The following FSTL5 variants were observed in gnomAD, a reference collection of about 807,000 sequenced individuals.
FSTL5 encodes the protein follistatin-related protein 5.
Under a neutral mutation model 89.1 loss-of-function variants are expected in FSTL5, and 62 were observed. The observed-to-expected ratio is 0.70, with a 90% CI of 0.57 to 0.86. The LOEUF (loss-of-function observed/expected upper bound fraction) is 0.86. Ranked by LOEUF, FSTL5 falls within the 40% of genes least tolerant of loss-of-function variation. The probability of loss-of-function intolerance (pLI) is 0.00; values close to 1 mark genes in which losing one functional copy is unlikely to be tolerated. For missense variants in FSTL5, 1,057 were observed against 1,001.6 expected, an observed-to-expected ratio of 1.06 and a Z score of -0.75; for synonymous variants, 383 against 346.2, an observed-to-expected ratio of 1.11 and a Z score of -1.18.
chr4:161,887,950 C>CT lies in FSTL5; in HGVS notation c.409+32453dup, dbSNP rs1184345351. On this transcript the variant is annotated intron_variant, in intron 4 of 15. Transcript: ENST00000306100. ...CATTCAAGTTTATTTTCTCTTTATC[C>CT]TTTTTTCTCCCATTAATGCATTGAT... 2.0e-5 allele frequency among the ~76,000 whole-genome samples: 3 copies of CT among 152,062 alleles called. No homozygotes were observed. In the East Asian group the frequency reaches 5.8e-4, roughly 29 times the overall value.
At chr4:162,128,205 G>C (rs1480023964) in intron 1 of FSTL5, among the ~76,000 whole-genome samples, 1 of 152,164 alleles carries the variant, frequency 6.6e-6, no homozygotes, top group Non-Finnish European at 1.5e-5. Flanking sequence ...TAATATGTCT[G>C]TAGTATTTTT....
intron 2 of FSTL5, among the ~76,000 whole-genome samples, chr4:162,094,691 T>A (rs1267547439): frequency 6.6e-6 from 1 of 152,160 alleles, no homozygotes. Flanking sequence ...GTGAAATATA[T>A]GAAAGAGTAG....
chr4:161,592,923 C>G (rs116008818), intron 7 of FSTL5, among the ~76,000 whole-genome samples: 7,644 of 152,242 alleles, frequency 0.05, 623 homozygotes, highest in African/African-American at 0.17. Context: ...TCCACATCCT[C>G]TCTAGCTTTT....
At chr4:162,144,637 T>C (rs1404221031) in intron 1 of FSTL5, among the ~76,000 whole-genome samples, 1 of 152,148 alleles carries the variant, frequency 6.6e-6, no homozygotes, top group Non-Finnish European at 1.5e-5. Flanking sequence ...AAGAACATCA[T>C]GGTTCTTTTG....
At chr4:162,017,803 C>G (rs577302866) in intron 3 of FSTL5, among the ~76,000 whole-genome samples, 1 of 152,150 alleles carries the variant, frequency 6.6e-6, no homozygotes, top group South Asian at 2.1e-4. Context: ...TTTTATCTCA[C>G]GTAAGTCATG....
At chr4:161,447,385 G>A (rs1732983720) in intron 15 of FSTL5, among the ~76,000 whole-genome samples, 1 of 151,976 alleles carries the variant, frequency 6.6e-6, no homozygotes, top group African/African-American at 2.4e-5. Context: ...TAGCAAATGT[G>A]GGCTAGCAAC....
intron 1 of FSTL5, among the ~76,000 whole-genome samples, chr4:162,133,098 C>G (rs1324468081): frequency 2.0e-5 from 3 of 152,168 alleles, no homozygotes; most frequent in African/African-American, 7.2e-5. Context: ...AGGCGCCCAC[C>G]GCCATGCCTG....
intron 4 of FSTL5, among the ~76,000 whole-genome samples, chr4:161,800,278 G>A (rs1046652686): frequency 4.0e-5 from 6 of 151,520 alleles, no homozygotes; most frequent in African/African-American, 1.2e-4. Flanking sequence ...TACAAAACCC[G>A]TTCAAACCAG....
intron 7 of FSTL5, among the ~76,000 whole-genome samples, chr4:161,590,884 T>C (rs1733793000): frequency 6.6e-6 from 1 of 152,212 alleles, no homozygotes; most frequent in Non-Finnish European, 1.5e-5. Flanking sequence ...CAATTCATTA[T>C]GTACTACCCC....
At chr4:161,873,595 AAT>A (rs141701026) in intron 4 of FSTL5, among the ~76,000 whole-genome samples, 6,248 of 140,938 alleles carry the variant, frequency 0.044, 182 homozygotes, top group Non-Finnish European at 0.071. Context: ...AAGATATTTA[AAT>A]ATATATATAT....
rs3032092 is a variant in FSTL5, at chr4:162,141,106, C to CTTTTTTT, written c.-17+22502_-17+22508dup. Among the ~76,000 whole-genome samples the CTTTTTTT allele has an allele frequency of 2.0e-4, 9 of 44,004 alleles. 1 individual carries two copies. The highest frequency in any genetic ancestry group is 1.2e-3 in the South Asian group (1 of 814). The allele number at this position is 44,004 out of a possible 152,430, so 28.9% of individuals were successfully genotyped here. ...AGTGTGGCACCTCCCTCCCTTCTCT[C>CTTTTTTT]TTTTTTTTTTTTTTTTTTTTTTTTT... On this transcript the variant is annotated intron_variant, in intron 1 of 15. Coordinates refer to ENST00000306100, the MANE Select transcript of FSTL5 (RefSeq NM_020116.5).
chr4:161,709,066 A>T (rs1483766366), intron 6 of FSTL5, among the ~76,000 whole-genome samples: 2 of 152,202 alleles, frequency 1.3e-5, no homozygotes, highest in Non-Finnish European at 2.9e-5. Flanking sequence ...TTTGCCTCTA[A>T]CATGGCTTGA....
intron 2 of FSTL5, among the ~76,000 whole-genome samples, chr4:162,045,226 T>C (rs1738125460): frequency 6.6e-6 from 1 of 152,110 alleles, no homozygotes; most frequent in Non-Finnish European, 1.5e-5. Flanking sequence ...GGCCATTGTA[T>C]GGTTATTAAT....
intron 3 of FSTL5, 54 bp from the exon 4 acceptor site, chr4:161,920,706 T>C: frequency 1.3e-6 from 2 of 1,505,066 alleles, no homozygotes; most frequent in African/African-American, 1.4e-5. Flanking sequence ...CCAAATAATA[T>C]ATATATTTCA....
chr4:161,574,410 T>A (rs1733139685), intron 8 of FSTL5, among the ~76,000 whole-genome samples: 1 of 151,632 alleles, frequency 6.6e-6, no homozygotes, highest in Non-Finnish European at 1.5e-5. Flanking sequence ...GTTTGTTACA[T>A]AGTTATACAT....
At chr4:161,769,003 C>G (rs182326397) in intron 5 of FSTL5, among the ~76,000 whole-genome samples, 265 of 151,668 alleles carry the variant, frequency 1.7e-3, no homozygotes, top group African/African-American at 6.0e-3. Context: ...AGATGAAAAA[C>G]TAGACATTAA....
chr4:161,777,868 G>GAA (rs1560839460), intron 4 of FSTL5, among the ~76,000 whole-genome samples: 1 of 151,406 alleles, frequency 6.6e-6, no homozygotes, highest in Non-Finnish European at 1.5e-5. Context: ...CTGAGGCAGG[G>GAA]GAATCACCTG....
intron 10 of FSTL5, among the ~76,000 whole-genome samples, chr4:161,511,871 A>G (rs1380077764): frequency 5.3e-5 from 8 of 152,114 alleles, no homozygotes; most frequent in African/African-American, 1.9e-4. Flanking sequence ...GGACAGCTTC[A>G]TTGAGATGGT....
At chr4:161,522,370 C>T (rs951646534) in intron 10 of FSTL5, among the ~76,000 whole-genome samples, 3 of 152,050 alleles carry the variant, frequency 2.0e-5, no homozygotes, top group African/African-American at 7.2e-5. Context: ...CACAGAGACT[C>T]CACACACATG....
Sources: gnomAD v4.1 joint callset for allele counts (sites outside exome capture counted in the v4.1 genomes callset) on GRCh38, gnomAD v4.1.1 for gene constraint, MANE v1.5 for transcripts, NCBI Gene and HGNC (gene_info 2026-07-23, HGNC 2026-07-21) for gene names.